PSEN2: variants seen among roughly 807,000 people sequenced by gnomAD.
PSEN2 encodes the protein presenilin-2.
A neutral mutation model predicts 49.1 loss-of-function variants in PSEN2; 32 were observed. The ratio of observed to expected loss-of-function variants is 0.65; its 90% CI spans 0.49 to 0.88. PSEN2 has a LOEUF of 0.88. Among genes scored for constraint, PSEN2 ranks in the 40% least tolerant of loss-of-function variants. The pLI is 0.00. For missense variants in PSEN2, 522 were observed against 586.9 expected (o/e 0.89, Z 1.14); for synonymous variants, 255 against 244.0 (o/e 1.05, Z -0.42).
At chr1:226,889,970 AG>A in intron 8 of PSEN2, 64 bp from the exon 9 acceptor site, 1 of 1,306,752 alleles carries the variant, frequency 7.7e-7, no homozygotes, top group Non-Finnish European at 1.1e-6. Context: ...CCTGTGCTAC[AG>A]GGCAGGCTCT....
chr1:226,881,300 C>T (rs965082686), intron 3 of PSEN2, among the ~76,000 whole-genome samples: 3 of 152,150 alleles, frequency 2.0e-5, no homozygotes, highest in African/African-American at 4.8e-5. Flanking sequence ...CTCCACTGCC[C>T]GCCCCACAGT....
At chr1:226,875,214 G>A (rs1373541844) in intron 2 of PSEN2, among the ~76,000 whole-genome samples, 151 bp from the exon 3 acceptor site, 3 of 152,158 alleles carry the variant, frequency 2.0e-5, no homozygotes, top group African/African-American at 2.4e-5. Flanking sequence ...ATCCCCAAGT[G>A]GTATGTGTTA....
chr1:226,886,286 A>C (rs2102678827), intron 6 of PSEN2, among the ~76,000 whole-genome samples: 1 of 152,310 alleles, frequency 6.6e-6, no homozygotes, highest in Middle Eastern at 3.4e-3. Flanking sequence ...GTTCTATTTT[A>C]GGCTCCCCTC....
intron 3 of PSEN2, 33 bp from the exon 4 acceptor site, chr1:226,881,855 A>G: frequency 6.2e-7 from 1 of 1,613,954 alleles, no homozygotes. Flanking sequence ...CTCACAGGAA[A>G]GTGGAACAAG....
intron 2 of PSEN2, 25 bp from the exon 3 acceptor site, chr1:226,875,340 T>G (rs202131206): frequency 2.0e-5 from 3 of 152,226 alleles, no homozygotes; most frequent in Non-Finnish European, 4.4e-5. Context: ...TCACCTGACC[T>G]TAGCAAACTC....
At chr1:226,880,696 A>T (rs1467333340) in intron 3 of PSEN2, 2 of 1,612,826 alleles carry the variant, frequency 1.2e-6, no homozygotes, top group African/African-American at 1.3e-5. Context: ...AGTTCTTCCC[A>T]GCCCAGAAAC....
At chr1:226,897,593 A>G (rs1662193856), downstream of PSEN2, 1 of 155,134 alleles carries the variant, frequency 6.4e-6, no homozygotes. Flanking sequence ...ATGGCAAAGA[A>G]GAAAAATGAG....
intron 12 of PSEN2, among the ~76,000 whole-genome samples, chr1:226,894,733 G>A (rs189438491): frequency 2.6e-4 from 40 of 152,338 alleles, no homozygotes; most frequent in Admixed American, 2.2e-3. Context: ...CGTCTGAGCC[G>A]TGCGCTTGGC....
chr1:226,891,018 A>C (rs1300453855), intron 9 of PSEN2: 2 of 533,412 alleles, frequency 3.7e-6, no homozygotes, highest in African/African-American at 1.9e-5. Context: ...TCACCCGTGA[A>C]CTGTGAGGTC....
rs528042597 is a variant in PSEN2 at position 226,874,676 on chromosome 1, T to C, written c.-206-689T>C. Among the ~76,000 whole-genome samples, 6 of 152,346 alleles carry C rather than the reference T, an allele frequency of 3.9e-5. No homozygotes were observed. The East Asian group carries it at 9.7e-4, about 25-fold the overall frequency. On this transcript the variant is annotated intron_variant, in intron 2 of 12. Transcript: ENST00000366783. ...TCATCTTCTTTATAACTACGACTTA[T>C]TGAACATCTACTGTGTGCTGGACAC...
chr1:226,877,966 A>G (rs998487601), intron 3 of PSEN2, among the ~76,000 whole-genome samples: 5 of 152,206 alleles, frequency 3.3e-5, no homozygotes, highest in Non-Finnish European at 5.9e-5. Flanking sequence ...GCAGTGTCAC[A>G]TGGAAAGGGT....
At chr1:226,873,109 G>A (rs1357545535) in intron 2 of PSEN2, among the ~76,000 whole-genome samples, 4 of 151,978 alleles carry the variant, frequency 2.6e-5, no homozygotes, top group South Asian at 2.1e-4. Flanking sequence ...CCCAGGAGGC[G>A]GAGGTTGCAG....
At chr1:226,875,121 C>T (rs919968846) in intron 2 of PSEN2, among the ~76,000 whole-genome samples, 2 of 152,128 alleles carry the variant, frequency 1.3e-5, no homozygotes, top group African/African-American at 4.8e-5. Context: ...CCCCTGGGGC[C>T]TGTGGTCCGG....
At chr1:226,892,476 A>C (rs1477675727) in intron 11 of PSEN2, among the ~76,000 whole-genome samples, 1 of 152,224 alleles carries the variant, frequency 6.6e-6, no homozygotes, top group East Asian at 1.9e-4. Flanking sequence ...ACCCAATGCC[A>C]GCCCACTGCT....
chr1:226,882,502 C>G (rs79812497), intron 4 of PSEN2, among the ~76,000 whole-genome samples: 2,284 of 152,256 alleles, frequency 0.015, 61 homozygotes, highest in African/African-American at 0.052. Context: ...TCACTGTGAT[C>G]ATTCAGCCCC....
chr1:226,881,755 C>T lies in PSEN2; in HGVS notation c.-20-133C>T, dbSNP rs781190975. ...TGTTTTATGGCAGTCGTTTGATTGA[C>T]AGGCATCTCTTGGAAGCTTTTGGGG... On this transcript the variant is annotated intron_variant, in intron 3 of 12. Coordinates refer to ENST00000366783, the MANE Select transcript of PSEN2 (RefSeq NM_000447.3). 71 of 951,250 alleles carry T rather than the reference C, an allele frequency of 7.5e-5. 1 individual carries two copies. Among genetic ancestry groups the T allele is most frequent in the Non-Finnish European group, 1.1e-4 (67 of 587,034 alleles). 58.9% of individuals were successfully genotyped at this position (951,250 alleles called of 1,614,324 possible).
chr1:226,900,126 T>C (rs1476686150), downstream of PSEN2, among the ~76,000 whole-genome samples: 1 of 152,152 alleles, frequency 6.6e-6, no homozygotes, highest in African/African-American at 2.4e-5. Context: ...CAAGCTGATG[T>C]CTTCAAAGAC....
At position 226,889,190 on chromosome 1, in the gene PSEN2, G is replaced by A. The variant is rs538329197; in HGVS notation, c.787+141G>A. On this transcript the variant is annotated intron_variant, in intron 8 of 12. Transcript: ENST00000366783. Reference sequence around the variant, plus strand: ...CCTGGGTGGGATCCCTCCTGAGAGAGTCGCCTTTGTAAAACAGAGGGGGGT... The same window carrying A: ...CCTGGGTGGGATCCCTCCTGAGAGAATCGCCTTTGTAAAACAGAGGGGGGT... 522 of 747,916 alleles carry A rather than the reference G, an allele frequency of 7.0e-4. 6 individuals carry two copies. The South Asian group carries it at 8.9e-3, about 13-fold the overall frequency. 46.3% of individuals were successfully genotyped at this position (747,916 alleles called of 1,614,324 possible). A position where few individuals can be genotyped will look rare whatever the true frequency, so the allele number is the denominator to read the frequency against.
At chr1:226,900,935 C>T (rs1571979821), downstream of PSEN2, among the ~76,000 whole-genome samples, 1 of 152,122 alleles carries the variant, frequency 6.6e-6, no homozygotes, top group African/African-American at 2.4e-5. Context: ...TAGGAGGTAA[C>T]TACTATTCTA....
Sources: gnomAD v4.1 joint callset for allele counts (sites outside exome capture counted in the v4.1 genomes callset) on GRCh38, gnomAD v4.1.1 for gene constraint, MANE v1.5 for transcripts, NCBI Gene and HGNC (gene_info 2026-07-23, HGNC 2026-07-21) for gene names.